MAGED1: variants seen among roughly 807,000 people sequenced by gnomAD.
MAGED1 encodes melanoma-associated antigen D1.
MAGED1 carries 3 observed loss-of-function variants against 54.1 expected under a neutral mutation model. That is an observed-to-expected ratio of 0.06 (90% CI 0.03 to 0.14). The LOEUF (loss-of-function observed/expected upper bound fraction) is 0.14. Among genes scored for constraint, MAGED1 ranks in the 10% least tolerant of loss-of-function variants. MAGED1 has a pLI of 1.00. For synonymous variants in MAGED1, 217 were observed against 227.3 expected (o/e 0.95, Z 0.41); for missense variants, 485 against 623.4 (o/e 0.78, Z 2.36).
At chrX:51,883,317 CCTGT>C (rs1239856489) in intron 1 of MAGED1, among the ~76,000 whole-genome samples, 1 of 111,262 alleles carries the variant, frequency 9.0e-6, no homozygotes, top group East Asian at 2.9e-4. Flanking sequence ...AACAATGATA[CCTGT>C]CTATCAGTGG....
At chrX:51,840,732 A>G (rs1325846990) in intron 1 of MAGED1, among the ~76,000 whole-genome samples, 2 of 109,250 alleles carry the variant, frequency 1.8e-5, no homozygotes, top group East Asian at 2.9e-4. Context: ...ATGATTTCCA[A>G]TTTCATCCAT....
At chrX:51,843,942 A>AG (rs1557359012) in intron 1 of MAGED1, among the ~76,000 whole-genome samples, 1 of 111,772 alleles carries the variant, frequency 8.9e-6, no homozygotes, top group Non-Finnish European at 1.9e-5. Context: ...TCTAATAGTG[A>AG]GGGCCCAGAA....
intron 1 of MAGED1, among the ~76,000 whole-genome samples, chrX:51,817,942 T>C (rs781922792): frequency 4.5e-5 from 5 of 112,347 alleles, no homozygotes; most frequent in East Asian, 5.6e-4. Context: ...ATAAATTTTA[T>C]TGAAGCCCAT....
rs1405031493 is a variant in MAGED1 at position 51,895,262 on chromosome X, A to G, written c.255A>G (p.Thr85=). 4.1e-6 allele frequency: 5 copies of G among 1,209,676 alleles called. No individual in the cohort carries two copies. Among genetic ancestry groups the G allele is most frequent in the Non-Finnish European group, 5.6e-6 (5 of 894,981 alleles). Residue 85 remains threonine, a synonymous_variant, in exon 3 of 13, where the codon ACA becomes ACG. Transcript: ENST00000326587. ...CCTTTAAAGTCCAGAATGCCACCAC[A>G]AAAGGCCCAAATGGTGTCTATGATT... ...KSAFKVQNAT[T]KGPNGVYDFS...
Position 51,901,957 on chromosome X carries a change from A to G in MAGED1, c.*8+19A>G. Reference sequence around the variant, plus strand: ...ATGTTGGGTAGGTACATCACTTTGGATTGGGCAGTTAGGGTCTCTGGGGGA... The same window carrying G: ...ATGTTGGGTAGGTACATCACTTTGGGTTGGGCAGTTAGGGTCTCTGGGGGA... On this transcript the variant is annotated intron_variant, in intron 12 of 12. Transcript: ENST00000326587. 1 of 1,180,903 alleles carries G rather than the reference A, an allele frequency of 8.5e-7. No homozygotes were observed. The highest frequency in any genetic ancestry group is 1.1e-6 in the Non-Finnish European group (1 of 878,800).
chrX:51,834,473 A>G (rs187020316), intron 1 of MAGED1, among the ~76,000 whole-genome samples: 3 of 112,368 alleles, frequency 2.7e-5, no homozygotes, highest in East Asian at 2.8e-4. Context: ...TTTGTTTGGT[A>G]TCATTGGTGT....
intron 1 of MAGED1, among the ~76,000 whole-genome samples, chrX:51,866,964 T>C (rs907127233): frequency 2.7e-5 from 3 of 112,034 alleles, no homozygotes; most frequent in Non-Finnish European, 5.6e-5. Flanking sequence ...CATTGATCCA[T>C]TGTGTGGAGC....
intron 10 of MAGED1, 34 bp downstream of exon 10, chrX:51,898,677 T>A (rs973484145): frequency 7.8e-6 from 9 of 1,149,498 alleles, no homozygotes; most frequent in Non-Finnish European, 1.1e-5. Flanking sequence ...TCCTGCTTCT[T>A]ATGATTCTGC....
At chrX:51,883,315 T>C (rs546695597) in intron 1 of MAGED1, among the ~76,000 whole-genome samples, 1 of 111,358 alleles carries the variant, frequency 9.0e-6, no homozygotes, top group East Asian at 2.9e-4. Context: ...GTAACAATGA[T>C]ACCTGTCTAT....
At chrX:51,877,433 A>G (rs1927912854) in intron 1 of MAGED1, among the ~76,000 whole-genome samples, 1 of 111,455 alleles carries the variant, frequency 9.0e-6, no homozygotes, top group Non-Finnish European at 1.9e-5. Context: ...AGTGTTGACA[A>G]AAACCTTTCT....
intron 1 of MAGED1, among the ~76,000 whole-genome samples, chrX:51,837,092 C>T (rs1352722635): frequency 2.7e-5 from 3 of 111,648 alleles, no homozygotes; most frequent in East Asian, 5.6e-4. Context: ...CAGGGAAGTA[C>T]GCTGGGGCAT....
chrX:51,857,195 A>G (rs1406376508), intron 1 of MAGED1: 1 of 111,924 alleles, frequency 8.9e-6, no homozygotes, highest in Admixed American at 9.5e-5. Context: ...TGTTATGGCC[A>G]TAAGAATGTG....
intron 1 of MAGED1, among the ~76,000 whole-genome samples, chrX:51,854,163 A>G (rs1926997906): frequency 8.9e-6 from 1 of 111,965 alleles, no homozygotes; most frequent in African/African-American, 3.2e-5. Flanking sequence ...CTTTTTTCAC[A>G]AGGTCCTTGT....
Position 51,898,111 on chromosome X carries a change from T to C in MAGED1, c.1659-3T>C, listed in dbSNP as rs1928848728. ...AAAATATATTCTTTCTATATTCCCT[T>C]AGGACCAAAGACACACCCAAGCTCG... is the stretch of plus-strand genomic sequence containing the variant. On this transcript the variant is annotated splice_polypyrimidine_tract_variant and splice_region_variant and intron_variant, in intron 7 of 12. Coordinates refer to ENST00000326587, the MANE Select transcript of MAGED1 (RefSeq NM_006986.4). 8.3e-7 allele frequency: 1 copy of C among 1,202,784 alleles called. No homozygotes were observed. Among genetic ancestry groups the C allele is most frequent in the Non-Finnish European group, 1.1e-6 (1 of 889,199 alleles).
chrX:51,897,770 A>G, intron 6 of MAGED1, 25 bp from the exon 7 acceptor site: 1 of 1,144,233 alleles, frequency 8.7e-7, no homozygotes, highest in Non-Finnish European at 1.2e-6. Context: ...TTGTAATTTC[A>G]TAGTCTGTTT....
chrX:51,827,550 C>T (rs1455193830), intron 1 of MAGED1, among the ~76,000 whole-genome samples: 1 of 111,458 alleles, frequency 9.0e-6, no homozygotes, highest in Non-Finnish European at 1.9e-5. Context: ...TAGGTGAGAA[C>T]GATATGTCAA....
At position 51,897,017 on chromosome X, in the gene MAGED1, G is replaced by A. The variant is rs1557364391; in HGVS notation, c.1362G>A (p.Ser454=). ...CTAACCTGCGCCCTTCTCCCAACTCGCGTGCCTCACAGAACCCAGGTGCTG... is the reference window on the plus strand; with the variant it reads ...CTAACCTGCGCCCTTCTCCCAACTCACGTGCCTCACAGAACCCAGGTGCTG... The part of the protein sequence containing the change: ...PSPNLRPSPN[S]RASQNPGAAQ... The change falls in exon 4 of 13, where the codon TCG becomes TCA. Residue 454 remains serine (S), a synonymous_variant. Coordinates refer to ENST00000326587, the MANE Select transcript of MAGED1 (RefSeq NM_006986.4). The A allele has an allele frequency of 7.4e-6, 9 of 1,209,769 alleles. No homozygotes were observed. Among genetic ancestry groups the A allele is most frequent in the South Asian group, 3.5e-5 (2 of 56,695 alleles).
intron 1 of MAGED1, among the ~76,000 whole-genome samples, chrX:51,814,297 CGCCGCT>C (rs781873003): frequency 5.4e-5 from 6 of 111,554 alleles, no homozygotes; most frequent in Non-Finnish European, 7.5e-5. Flanking sequence ...CTACCGCCGC[CGCCGCT>C]GCCGCTGCCA....
At chrX:51,851,592 CTTTCTCTCT>C (rs1557359768) in intron 1 of MAGED1, among the ~76,000 whole-genome samples, 1 of 109,669 alleles carries the variant, frequency 9.1e-6, no homozygotes, top group Non-Finnish European at 1.9e-5. Flanking sequence ...AATGTGGTCT[CTTTCTCTCT>C]TTTCTCTCAA....
Sources: gnomAD v4.1 joint callset for allele counts (sites outside exome capture counted in the v4.1 genomes callset) on GRCh38, gnomAD v4.1.1 for gene constraint, MANE v1.5 for transcripts, NCBI Gene and HGNC (gene_info 2026-07-23, HGNC 2026-07-21) for gene names.